Variants in HNRNPLL observed in about 807,000 individuals in gnomAD.
HNRNPLL encodes the protein heterogeneous nuclear ribonucleoprotein L-like.
In HNRNPLL, 25 loss-of-function variants were observed where a neutral mutation model predicts 67.1. The ratio of observed to expected loss-of-function variants is 0.37; its 90% CI spans 0.27 to 0.52. The LOEUF (loss-of-function observed/expected upper bound fraction) is 0.52. Among genes scored for constraint, HNRNPLL ranks in the 20% least tolerant of loss-of-function variants. The pLI is 0.90. For synonymous variants in HNRNPLL, 267 were observed against 241.7 expected, an observed-to-expected ratio of 1.10 and a Z score of -0.97; for missense variants, 542 against 673.9, an observed-to-expected ratio of 0.80 and a Z score of 2.17.
At chr2:38,598,105 A>G (rs1308290145) in intron 1 of HNRNPLL, among the ~76,000 whole-genome samples, 1 of 117,346 alleles carries the variant, frequency 8.5e-6, no homozygotes, top group East Asian at 2.5e-4. Context: ...AAACATAAAA[A>G]CAAAACAAAA....
At chr2:38,592,900 A>G (rs533750483) in intron 1 of HNRNPLL, among the ~76,000 whole-genome samples, 6 of 152,316 alleles carry the variant, frequency 3.9e-5, no homozygotes, top group Middle Eastern at 3.4e-3. Flanking sequence ...TTTTAAGAAA[A>G]TTAAATTTCT....
Position 38,581,953 on chromosome 2 carries a change from A to G in HNRNPLL, c.762T>C (p.Asn254=), listed in dbSNP as rs374783273. Residue 254 remains asparagine, a synonymous_variant, in exon 6 of 13, where the codon AAT becomes AAC. Coordinates refer to ENST00000449105, the MANE Select transcript of HNRNPLL (RefSeq NM_138394.4). ...PTRLNVIRND[N]DSWDYTKPYL... ...ATGGTTTAGTGTAGTCCCAACTGTC[A>G]TTGTCATTCCTAATAACATTTAGAC... 11 of 1,612,514 alleles carry G rather than the reference A, an allele frequency of 6.8e-6. No individual in the cohort carries two copies. Among genetic ancestry groups the G allele is most frequent in the African/African-American group, 1.3e-5 (1 of 74,900 alleles).
intron 1 of HNRNPLL, among the ~76,000 whole-genome samples, chr2:38,595,948 T>A (rs1667172360): frequency 6.6e-6 from 1 of 152,204 alleles, no homozygotes; most frequent in Admixed American, 6.5e-5. Flanking sequence ...ACCCACCTTG[T>A]ATTTCCCTTA....
Position 38,602,731 on chromosome 2 carries a change from G to C in HNRNPLL, c.-105C>G, listed in dbSNP as rs754518286. ...TCGCCGCCGGCAGCGCCTCTTCTGC[G>C]AGGGTCTCCGCGGCCCGGCCGTCCG... is the stretch of plus-strand genomic sequence containing the variant. On this transcript the variant is annotated 5_prime_UTR_variant, in exon 1 of 13. Coordinates refer to ENST00000449105, the MANE Select transcript of HNRNPLL (RefSeq NM_138394.4). The C allele has an allele frequency of 6.7e-7, 1 of 1,485,588 alleles. No homozygotes were observed. The highest frequency in any genetic ancestry group is 8.9e-7 in the Non-Finnish European group (1 of 1,117,832). The allele number at this position is 1,485,588 out of a possible 1,614,324, so 92.0% of individuals were successfully genotyped here.
At chr2:38,595,962 C>A (rs887593034) in intron 1 of HNRNPLL, among the ~76,000 whole-genome samples, 2 of 152,132 alleles carry the variant, frequency 1.3e-5, no homozygotes, top group Admixed American at 1.3e-4. Context: ...TCCCTTATTC[C>A]CACTCAATGA....
chr2:38,594,936 T>C (rs748495476), intron 1 of HNRNPLL, among the ~76,000 whole-genome samples: 7 of 151,254 alleles, frequency 4.6e-5, no homozygotes, highest in Admixed American at 6.6e-5. Flanking sequence ...AGAGCCTCCA[T>C]CTCAAAAAAA....
chr2:38,595,967 C>A (rs981718108), intron 1 of HNRNPLL, among the ~76,000 whole-genome samples: 4 of 152,220 alleles, frequency 2.6e-5, no homozygotes, highest in South Asian at 2.1e-4. Flanking sequence ...TATTCCCACT[C>A]AATGAATCTG....
At position 38,590,986 on chromosome 2, in the gene HNRNPLL, C is replaced by CAG. The variant is rs565923956; in HGVS notation, c.308+542_308+543dup. Among the ~76,000 whole-genome samples the CAG allele has an allele frequency of 5.1e-4, 78 of 152,294 alleles. 4 individuals carry two copies. In the East Asian group the frequency reaches 0.014, roughly 27 times the overall value. On this transcript the variant is annotated intron_variant, in intron 2 of 12. Transcript: ENST00000449105. ...TGCCACTACACTCCAGCTTGGGCAA[C>CAG]AGAGAGAGACCCTGTCTCAAAAAAT...
intron 2 of HNRNPLL, among the ~76,000 whole-genome samples, chr2:38,589,922 T>C (rs1385379680): frequency 1.3e-5 from 2 of 152,176 alleles, no homozygotes; most frequent in Non-Finnish European, 2.9e-5. Context: ...TAGGACAATG[T>C]GCCACTTATA....
At chr2:38,590,155 A>T (rs766790992) in intron 2 of HNRNPLL, among the ~76,000 whole-genome samples, 5 of 152,194 alleles carry the variant, frequency 3.3e-5, no homozygotes, top group Non-Finnish European at 2.9e-5. Flanking sequence ...TCCAAGGTTA[A>T]CGTGTTTGCC....
At chr2:38,580,493 G>C (rs1431419116) in intron 6 of HNRNPLL, among the ~76,000 whole-genome samples, 1 of 152,146 alleles carries the variant, frequency 6.6e-6, no homozygotes, top group African/African-American at 2.4e-5. Context: ...CTTTTTGCTA[G>C]AGTACATGCA....
intron 9 of HNRNPLL, 144 bp from the exon 10 acceptor site, chr2:38,569,478 T>A: frequency 1.6e-6 from 1 of 614,758 alleles, no homozygotes. Flanking sequence ...AGGATTTAGT[T>A]TGGGTTATAA....
Position 38,577,430 on chromosome 2 carries a change from A to G in HNRNPLL, c.874+31T>C, listed in dbSNP as rs115121348. 1.1e-4 allele frequency: 147 copies of G among 1,356,214 alleles called. No homozygotes were observed. The African/African-American group carries it at 1.9e-3, about 18-fold the overall frequency. 84.0% of individuals were successfully genotyped at this position (1,356,214 alleles called of 1,614,324 possible). On this transcript the variant is annotated intron_variant, in intron 7 of 12. Coordinates refer to ENST00000449105, the MANE Select transcript of HNRNPLL (RefSeq NM_138394.4). ...ATGCAGCAAGTCAAACAGTTCATCT[A>G]TACTACCTTCTTTCTACCTTGACAA...
intron 2 of HNRNPLL, among the ~76,000 whole-genome samples, chr2:38,589,525 C>T (rs561979232): frequency 7.1e-4 from 108 of 152,310 alleles, no homozygotes; most frequent in Admixed American, 6.9e-3. Context: ...TAATTACACA[C>T]TAATTTGTTC....
intron 7 of HNRNPLL, among the ~76,000 whole-genome samples, chr2:38,574,776 CT>C: frequency 6.6e-6 from 1 of 151,844 alleles, no homozygotes; most frequent in East Asian, 1.9e-4. Flanking sequence ...TCAACTACTC[CT>C]TTTATTGGCA....
chr2:38,564,485 TG>T, intron 12 of HNRNPLL, among the ~76,000 whole-genome samples: 1 of 151,916 alleles, frequency 6.6e-6, no homozygotes, highest in East Asian at 1.9e-4. Flanking sequence ...CTGGGTGTGG[TG>T]GTGCACGCCT....
chr2:38,591,238 C>G (rs975852526), intron 2 of HNRNPLL, among the ~76,000 whole-genome samples: 1 of 152,020 alleles, frequency 6.6e-6, no homozygotes, highest in Non-Finnish European at 1.5e-5. Flanking sequence ...ACAGGACTCA[C>G]GGACTCATTT....
intron 1 of HNRNPLL, among the ~76,000 whole-genome samples, chr2:38,599,509 T>G (rs1345527811): frequency 6.6e-6 from 1 of 152,196 alleles, no homozygotes; most frequent in African/African-American, 2.4e-5. Context: ...GGCAGGAACC[T>G]CTATAATCAA....
intron 12 of HNRNPLL, among the ~76,000 whole-genome samples, chr2:38,567,602 C>G (rs1255661677): frequency 6.6e-6 from 1 of 152,142 alleles, no homozygotes; most frequent in Non-Finnish European, 1.5e-5. Flanking sequence ...GAAGCTATAG[C>G]TTGAAGGTGA....
Sources: allele counts gnomAD v4.1 joint callset (sites outside exome capture counted in the v4.1 genomes callset), GRCh38; gene constraint gnomAD v4.1.1; transcripts MANE v1.5; gene names NCBI Gene and HGNC (gene_info 2026-07-23, HGNC 2026-07-21).